Variants in CDK5RAP2 observed in about 807,000 individuals in gnomAD.
The protein encoded by CDK5RAP2 is CDK5 regulatory subunit associated protein 2.
CDK5RAP2 carries 147 observed loss-of-function variants against 232.9 expected under a neutral mutation model. That is an observed-to-expected ratio of 0.63 (90% CI 0.55 to 0.72). The LOEUF is 0.72. Among genes scored for constraint, CDK5RAP2 ranks in the 30% least tolerant of loss-of-function variants. The probability of loss-of-function intolerance (pLI) is 0.00; values close to 1 mark genes in which losing one functional copy is unlikely to be tolerated. For synonymous variants in CDK5RAP2, 833 were observed against 833.7 expected (o/e 1.00, Z 0.01); for missense variants, 2,195 against 2,231.5 (o/e 0.98, Z 0.33).
intron 15 of CDK5RAP2, among the ~76,000 whole-genome samples, chr9:120,476,604 G>A (rs549883058): frequency 3.3e-5 from 5 of 151,694 alleles, no homozygotes; most frequent in African/African-American, 4.8e-5. Flanking sequence ...GCTTGAACCC[G>A]GGAGGCGGAG....
chr9:120,397,464 T>C (rs1411321294), intron 35 of CDK5RAP2, among the ~76,000 whole-genome samples: 4 of 142,736 alleles, frequency 2.8e-5, no homozygotes, highest in Non-Finnish European at 4.5e-5. Context: ...ACTTCTGGCC[T>C]CAGGTGATCC....
At chr9:120,408,552 C>G in intron 30 of CDK5RAP2, 84 bp from the exon 31 acceptor site, 1 of 1,460,272 alleles carries the variant, frequency 6.8e-7, no homozygotes, top group Admixed American at 1.7e-5. Flanking sequence ...CAGGCCAATT[C>G]CACCCTCAGT....
intron 21 of CDK5RAP2, among the ~76,000 whole-genome samples, chr9:120,452,705 C>T (rs1384194220): frequency 6.6e-6 from 1 of 150,956 alleles, no homozygotes; most frequent in African/African-American, 2.4e-5. Flanking sequence ...AGCTTAGAGA[C>T]AGTATCTAAG....
In CDK5RAP2 at chr9:120,527,911, G is replaced by A. The variant is rs1418068616; in HGVS notation, c.894C>T (p.Asp298=). 6.2e-7 allele frequency: 1 copy of A among 1,613,330 alleles called. No homozygotes were observed. The highest frequency in any genetic ancestry group is 2.2e-5 in the East Asian group (1 of 44,850). The change falls in exon 10 of 38, where the codon GAC becomes GAT. Residue 298 remains aspartate (D), a synonymous_variant. Coordinates refer to ENST00000349780, the MANE Select transcript of CDK5RAP2 (RefSeq NM_018249.6). ...CAATTTCTCTTTCCTTCTCTCTCAG[G>A]TCCTCTTCAAGTGCCTAAATTAGAT... is the stretch of plus-strand genomic sequence containing the variant. ...FEERIQALEE[D]LREKEREIAT... is the part of the protein sequence containing the mutation.
In CDK5RAP2 at chr9:120,477,078, T is replaced by A. The variant is rs930160271; in HGVS notation, c.1727+272A>T. 1.6e-4 allele frequency among the ~76,000 whole-genome samples: 24 copies of A among 152,210 alleles called. 1 individual carries two copies. Among genetic ancestry groups the A allele is most frequent in the Admixed American group, 6.5e-5 (1 of 15,290 alleles). On this transcript the variant is annotated intron_variant, in intron 15 of 37. Transcript: ENST00000349780. ...CACATAGAAGCACTTTCTAAATATA[T>A]AATAAAGTATTTTTAAAACCTGAGT... is the stretch of plus-strand genomic sequence containing the variant.
At chr9:120,513,129 C>T (rs554854709) in intron 12 of CDK5RAP2, among the ~76,000 whole-genome samples, 6 of 152,202 alleles carry the variant, frequency 3.9e-5, no homozygotes, top group African/African-American at 1.2e-4. Flanking sequence ...CAAGTCAAGC[C>T]CCAGAAGCTA....
At chr9:120,467,280 G>A (rs2037434433) in intron 18 of CDK5RAP2, among the ~76,000 whole-genome samples, 2 of 152,180 alleles carry the variant, frequency 1.3e-5, no homozygotes, top group Admixed American at 6.5e-5. Context: ...AATTATCTGG[G>A]TGGTTTGGAA....
At chr9:120,524,914 C>CT in intron 11 of CDK5RAP2, 72 bp downstream of exon 11, 3 of 1,060,336 alleles carry the variant, frequency 2.8e-6, no homozygotes, top group Non-Finnish European at 4.4e-6. Context: ...CAAGTTCTTT[C>CT]AGCTGCAAAG....
chr9:120,522,706 G>C (rs1203239916), intron 11 of CDK5RAP2, among the ~76,000 whole-genome samples: 2 of 152,204 alleles, frequency 1.3e-5, no homozygotes, highest in Non-Finnish European at 2.9e-5. Flanking sequence ...CCAGTGATTA[G>C]AATTCACACC....
chr9:120,551,919 A>G (rs976027244), intron 3 of CDK5RAP2, among the ~76,000 whole-genome samples: 6 of 152,176 alleles, frequency 3.9e-5, no homozygotes, highest in African/African-American at 9.6e-5. Context: ...TACAGAATGG[A>G]AGAAAATGTT....
intron 14 of CDK5RAP2, among the ~76,000 whole-genome samples, chr9:120,481,072 G>C (rs10984927): frequency 6.6e-6 from 1 of 152,222 alleles, no homozygotes; most frequent in East Asian, 1.9e-4. Flanking sequence ...CAGTGTGTCA[G>C]CCACCATGCT....
intron 16 of CDK5RAP2, 78 bp from the exon 17 acceptor site, chr9:120,470,298 C>T (rs1018707920): frequency 1.7e-5 from 12 of 700,576 alleles, no homozygotes; most frequent in Non-Finnish European, 3.0e-5. Flanking sequence ...CCAAGACTGA[C>T]CCCAGTGCAA....
At position 120,478,283 on chromosome 9, in the gene CDK5RAP2, A is replaced by G. The variant is rs188458477; in HGVS notation, c.1627-833T>C. On this transcript the variant is annotated intron_variant, in intron 14 of 37. Coordinates refer to ENST00000349780, the MANE Select transcript of CDK5RAP2 (RefSeq NM_018249.6). ...AATGGCTGATTCCCGTATTAGGACA[A>G]GGAAAATCAGGAACAATAAAAGATA... Among the ~76,000 whole-genome samples the G allele has an allele frequency of 3.6e-3, 552 of 152,358 alleles. 7 individuals are homozygous for G. Among genetic ancestry groups the G allele is most frequent in the Non-Finnish European group, 5.7e-3 (390 of 68,024 alleles).
chr9:120,409,347 G>T, intron 29 of CDK5RAP2, 31 bp from the exon 30 acceptor site: 1 of 1,511,654 alleles, frequency 6.6e-7, no homozygotes. Flanking sequence ...CACTGAGAAG[G>T]GCCACCATTT....
chr9:120,565,700 TA>T (rs2042622912), intron 3 of CDK5RAP2, among the ~76,000 whole-genome samples: 1 of 152,140 alleles, frequency 6.6e-6, no homozygotes. Context: ...GGATGCTCCC[TA>T]GCTCTCCCCA....
chr9:120,568,500 G>T, intron 2 of CDK5RAP2, 112 bp from the exon 3 acceptor site: 2 of 812,262 alleles, frequency 2.5e-6, no homozygotes, highest in African/African-American at 1.7e-5. Flanking sequence ...CACAGTACAC[G>T]CGGCTGGTAC....
At chr9:120,390,808 G>A (rs1158690766) in intron 36 of CDK5RAP2, among the ~76,000 whole-genome samples, 1 of 152,240 alleles carries the variant, frequency 6.6e-6, no homozygotes, top group African/African-American at 2.4e-5. Flanking sequence ...GGCTTCTTCA[G>A]AATAGGTGTC....
chr9:120,538,666 C>A (rs956180490), intron 6 of CDK5RAP2, among the ~76,000 whole-genome samples: 2 of 152,128 alleles, frequency 1.3e-5, no homozygotes, highest in African/African-American at 4.8e-5. Context: ...GCTTCCACAT[C>A]TTTAAAATAA....
intron 28 of CDK5RAP2, among the ~76,000 whole-genome samples, chr9:120,412,506 C>G (rs1391423985): frequency 2.0e-5 from 3 of 152,204 alleles, no homozygotes; most frequent in Non-Finnish European, 4.4e-5. Context: ...CAGGAAAAAG[C>G]CCCACCTTCT....
Sources: allele counts gnomAD v4.1 joint callset (sites outside exome capture counted in the v4.1 genomes callset), GRCh38; gene constraint gnomAD v4.1.1; transcripts MANE v1.5; gene names NCBI Gene and HGNC (gene_info 2026-07-23, HGNC 2026-07-21).